Variants in PADI1 observed in about 807,000 individuals in gnomAD.
The protein encoded by PADI1 is protein-arginine deiminase type-1.
In PADI1, 65 loss-of-function variants were observed where a neutral mutation model predicts 74.8. The observed-to-expected ratio is 0.87, with a 90% CI of 0.71 to 1.07. The LOEUF is 1.07. Ranked by LOEUF, PADI1 falls within the 50% of genes least tolerant of loss-of-function variation. The probability of loss-of-function intolerance (pLI) is 0.00; values close to 1 mark genes in which losing one functional copy is unlikely to be tolerated. For missense variants in PADI1, 943 were observed against 854.0 expected, an observed-to-expected ratio of 1.10 and a Z score of -1.30; for synonymous variants, 371 against 336.2, an observed-to-expected ratio of 1.10 and a Z score of -1.13.
chr1:17,211,657 C>T (rs1230868590), intron 1 of PADI1, among the ~76,000 whole-genome samples: 1 of 152,204 alleles, frequency 6.6e-6, no homozygotes, highest in Non-Finnish European at 1.5e-5. Context: ...ATTCTGTGAG[C>T]CTAACCCTGT....
chr1:17,239,087 G>A (rs2072719078), intron 13 of PADI1, among the ~76,000 whole-genome samples: 1 of 152,236 alleles, frequency 6.6e-6, no homozygotes, highest in South Asian at 2.1e-4. Flanking sequence ...AGAGAGGAAG[G>A]AGGAGAAGCC....
chr1:17,230,343 C>G (rs764051575), intron 9 of PADI1, 135 bp downstream of exon 9: 1 of 1,084,064 alleles, frequency 9.2e-7, no homozygotes. Flanking sequence ...AGGGCTTTTC[C>G]GCTGCCTGCA....
At position 17,240,738 on chromosome 1, in the gene PADI1, C is replaced by T. The variant is rs374308918; in HGVS notation, c.1736C>T (p.Ala579Val). The change falls in exon 15 of 16, where the codon GCG becomes GTG. Residue 579 changes from alanine (A) to valine (V), a missense_variant. By Grantham distance (64) the Ala-to-Val change is moderately conservative (BLOSUM62 0). Coordinates refer to ENST00000375471, the MANE Select transcript of PADI1 (RefSeq NM_013358.3). ...CTCTTCTTCCTGAAAAACTTCTACG[C>T]GGAAGCCTTCTTCCCAGACATGGTG... Reference protein sequence around the residue: ...PQLFFLKNFYAEAFFPDMVNM... With the variant: ...PQLFFLKNFYVEAFFPDMVNM... 2.3e-5 allele frequency: 37 copies of T among 1,613,870 alleles called. 1 individual carries two copies. Among genetic ancestry groups the T allele is most frequent in the Admixed American group, 1.8e-4 (11 of 59,998 alleles).
Position 17,244,005 on chromosome 1 carries a change from T to C in PADI1, c.1759-5T>C, listed in dbSNP as rs1398752428. ...AGCCTCCCTCTTGCCTTTTCTCTTT[T>C]GCAGGTTAACATGGTGGTCTTAGGC... On this transcript the variant is annotated splice_region_variant and splice_polypyrimidine_tract_variant and intron_variant, in intron 15 of 15. Coordinates refer to ENST00000375471, the MANE Select transcript of PADI1 (RefSeq NM_013358.3). 6.2e-7 allele frequency: 1 copy of C among 1,605,224 alleles called. No individual in the cohort carries two copies. The highest frequency in any genetic ancestry group is 1.1e-5 in the South Asian group (1 of 90,750).
chr1:17,233,704 T>C (rs1003148538), intron 11 of PADI1, among the ~76,000 whole-genome samples: 2 of 152,216 alleles, frequency 1.3e-5, no homozygotes, highest in Non-Finnish European at 1.5e-5. Context: ...ACCTTCCTGT[T>C]TGTGGGGTTT....
chr1:17,209,002 C>T (rs1018830628), intron 1 of PADI1, among the ~76,000 whole-genome samples: 8 of 152,176 alleles, frequency 5.3e-5, no homozygotes, highest in African/African-American at 9.7e-5. Context: ...GATCAGACAG[C>T]GGTAGAATTG....
intron 10 of PADI1, 27 bp from the exon 11 acceptor site, chr1:17,232,792 G>A (rs754773857): frequency 2.4e-5 from 38 of 1,596,664 alleles, no homozygotes; most frequent in Non-Finnish European, 3.0e-5. Flanking sequence ...CCTTCTTGGG[G>A]TGGGGGTCTC....
At chr1:17,228,856 A>C in intron 7 of PADI1, 59 bp downstream of exon 7, 2 of 1,568,272 alleles carry the variant, frequency 1.3e-6, no homozygotes, top group Non-Finnish European at 1.7e-6. Flanking sequence ...CCCAGTTTGC[A>C]GGCTCCAGGG....
chr1:17,232,772 A>G (rs749685078), intron 10 of PADI1, 47 bp from the exon 11 acceptor site: 1 of 1,575,060 alleles, frequency 6.3e-7, no homozygotes, highest in South Asian at 1.2e-5. Context: ...TCCTGTCCTC[A>G]CTGACCTCTC....
intron 1 of PADI1, among the ~76,000 whole-genome samples, chr1:17,215,844 G>T (rs2071963424): frequency 6.6e-6 from 1 of 152,230 alleles, no homozygotes; most frequent in South Asian, 2.1e-4. Flanking sequence ...GCATTTTAGA[G>T]GGAGAGACTG....
chr1:17,221,580 C>A (rs2072152258), intron 1 of PADI1, among the ~76,000 whole-genome samples: 1 of 151,888 alleles, frequency 6.6e-6, no homozygotes, highest in Non-Finnish European at 1.5e-5. Context: ...GGGGCAGGAG[C>A]TTGCTGAGAA....
At chr1:17,236,230 C>T (rs924158865) in intron 11 of PADI1, among the ~76,000 whole-genome samples, 1 of 152,162 alleles carries the variant, frequency 6.6e-6, no homozygotes, top group Non-Finnish European at 1.5e-5. Context: ...TAAGTACCTC[C>T]AATCATATGT....
rs780876963 is a variant in PADI1 at position 17,239,772 on chromosome 1, C to A, written c.1621C>A (p.Leu541Ile). Residue 541 changes from leucine (L) to isoleucine (I), a missense_variant, in exon 14 of 16, where the codon CTT becomes ATT. Transcript: ENST00000375471. ...LADRHLQRDNLHAQKCIDWNR... is the reference protein window; with the variant it reads ...LADRHLQRDNIHAQKCIDWNR... Reference sequence around the variant, plus strand: ...AGACAGACACCTCCAGAGAGACAATCTTCATGCACAGGTGAGAGGCAGGAC... The same window carrying A: ...AGACAGACACCTCCAGAGAGACAATATTCATGCACAGGTGAGAGGCAGGAC... The A allele has an allele frequency of 6.2e-7, 1 of 1,613,012 alleles. No homozygotes were observed.
chr1:17,226,017 G>C lies in PADI1; in HGVS notation c.527-16G>C. ...GGGTGGAGAAAGGGCGATCTCAAGA[G>C]GGCCACTCTCTCCAGACCTGCAGGA... is the stretch of plus-strand genomic sequence containing the variant. On this transcript the variant is annotated splice_polypyrimidine_tract_variant and intron_variant, in intron 5 of 15. Coordinates refer to ENST00000375471, the MANE Select transcript of PADI1 (RefSeq NM_013358.3). 1 of 1,613,894 alleles carries C rather than the reference G, an allele frequency of 6.2e-7. No individual in the cohort carries two copies. Among genetic ancestry groups the C allele is most frequent in the Non-Finnish European group, 8.5e-7 (1 of 1,179,806 alleles).
chr1:17,226,185 T>G (rs1390218880), intron 6 of PADI1, 27 bp downstream of exon 6: 1 of 1,612,618 alleles, frequency 6.2e-7, no homozygotes, highest in South Asian at 1.1e-5. Context: ...GGCCTTTTCC[T>G]CCCAGCTCCA....
At chr1:17,209,197 G>A (rs538598199) in intron 1 of PADI1, among the ~76,000 whole-genome samples, 27 of 152,334 alleles carry the variant, frequency 1.8e-4, no homozygotes, top group African/African-American at 4.6e-4. Context: ...GTGCTCCTCA[G>A]GGGAAAATTA....
chr1:17,238,331 G>A (rs2977308), intron 12 of PADI1, among the ~76,000 whole-genome samples: 1 of 152,224 alleles, frequency 6.6e-6, no homozygotes, highest in African/African-American at 2.4e-5. Context: ...CGTGAGCCAC[G>A]ACACCCAGCC....
At position 17,219,294 on chromosome 1, in the gene PADI1, G is replaced by C. The variant is rs148344752; in HGVS notation, c.93-2996G>C. 2.0e-5 allele frequency among the ~76,000 whole-genome samples: 3 copies of C among 152,192 alleles called. No homozygotes were observed. In the East Asian group the frequency reaches 5.8e-4, roughly 30 times the overall value. On this transcript the variant is annotated intron_variant, in intron 1 of 15. Coordinates refer to ENST00000375471, the MANE Select transcript of PADI1 (RefSeq NM_013358.3). Reference sequence around the variant, plus strand: ...GGGGAAGGGAAGAGGGAACATGAGGGATGAGGGACAGCAGTGGGGGGCGAG... The same window carrying C: ...GGGGAAGGGAAGAGGGAACATGAGGCATGAGGGACAGCAGTGGGGGGCGAG...
chr1:17,214,651 C>T (rs907660841), intron 1 of PADI1, among the ~76,000 whole-genome samples: 5 of 152,120 alleles, frequency 3.3e-5, no homozygotes, highest in African/African-American at 1.2e-4. Flanking sequence ...TTGGAGGAAG[C>T]CGGGAGCAGC....
Sources: gnomAD v4.1 joint callset for allele counts (sites outside exome capture counted in the v4.1 genomes callset) on GRCh38, gnomAD v4.1.1 for gene constraint, MANE v1.5 for transcripts, NCBI Gene and HGNC (gene_info 2026-07-23, HGNC 2026-07-21) for gene names.